CHRNB4: variants seen among roughly 807,000 people sequenced by gnomAD.
CHRNB4 encodes the protein cholinergic receptor nicotinic beta 4 subunit.
In CHRNB4, 23 loss-of-function variants were observed where a neutral mutation model predicts 40.4. The observed-to-expected ratio is 0.57, with a 90% confidence interval of 0.41 to 0.81. CHRNB4 has a LOEUF of 0.81. Among genes scored for constraint, CHRNB4 ranks in the 30% least tolerant of loss-of-function variants. The probability of loss-of-function intolerance (pLI) is 0.00; values close to 1 mark genes in which losing one functional copy is unlikely to be tolerated. For synonymous variants in CHRNB4, 285 were observed against 274.4 expected (o/e 1.04, Z -0.38); for missense variants, 568 against 670.6 (o/e 0.85, Z 1.69).
intron 5 of CHRNB4, among the ~76,000 whole-genome samples, chr15:78,652,890 G>A (rs1172370041): frequency 6.6e-6 from 1 of 152,170 alleles, no homozygotes; most frequent in East Asian, 1.9e-4. Context: ...GGGTGGTGGT[G>A]GAATGGGAGA....
intron 2 of CHRNB4, among the ~76,000 whole-genome samples, chr15:78,632,171 CTCTT>C (rs1274535496): frequency 0.043 from 193 of 4,438 alleles, 1 homozygote; most frequent in African/African-American, 0.048. Flanking sequence ...TCTTTTCTTT[CTCTT>C]TCTTTCTTTC....
At chr15:78,627,394 A>G (rs544999286) in intron 5 of CHRNB4, 1 of 152,220 alleles carries the variant, frequency 6.6e-6, no homozygotes, top group African/African-American at 2.4e-5. Flanking sequence ...CTGGTCCAAG[A>G]ACTACACCAG....
intron 2 of CHRNB4, among the ~76,000 whole-genome samples, chr15:78,658,028 CT>C (rs71448810): frequency 0.18 from 16,173 of 89,904 alleles, 690 homozygotes; most frequent in South Asian, 0.33. Context: ...TCTTGTTTCT[CT>C]TTTTTTTTTT....
intron 1 of CHRNB4, among the ~76,000 whole-genome samples, chr15:78,640,804 CCCA>C (rs1362272286): frequency 1.3e-5 from 2 of 152,244 alleles, no homozygotes. Flanking sequence ...CACTGCCCAG[CCCA>C]CAGACACTCG....
At chr15:78,634,670 G>C in intron 2 of CHRNB4, 1 of 455,356 alleles carries the variant, frequency 2.2e-6, no homozygotes, top group South Asian at 1.6e-5. Flanking sequence ...CCCCTGGCTG[G>C]ACACAGCGCC....
chr15:78,649,805 G>A (rs1859078831), intron 6 of CHRNB4, among the ~76,000 whole-genome samples: 1 of 151,644 alleles, frequency 6.6e-6, no homozygotes, highest in South Asian at 2.1e-4. Flanking sequence ...CTGGGGATGG[G>A]AAGAAAAATA....
At position 78,624,917 on chromosome 15, in the gene CHRNB4, C is replaced by T. The variant is rs774895654; in HGVS notation, c.*216G>A. 1.2e-5 allele frequency: 17 copies of T among 1,464,516 alleles called. 1 individual carries two copies. In the South Asian group the frequency reaches 2.0e-4, roughly 17 times the overall value. The allele number at this position is 1,464,516 out of a possible 1,614,324, so 90.7% of individuals were successfully genotyped here. Reference sequence around the variant, plus strand: ...GGCCAGAATTGAACTGTCTGAAGCTCCCTCCTACTGGGGCTTCCTGGGATC... The same window carrying T: ...GGCCAGAATTGAACTGTCTGAAGCTTCCTCCTACTGGGGCTTCCTGGGATC... On this transcript the variant is annotated 3_prime_UTR_variant, in exon 6 of 6. Transcript: ENST00000261751.
At chr15:78,639,177 G>C (rs1457193803) in intron 1 of CHRNB4, among the ~76,000 whole-genome samples, 2 of 152,222 alleles carry the variant, frequency 1.3e-5, no homozygotes, top group African/African-American at 4.8e-5. Context: ...GAAAGTAACA[G>C]TTAACAGAAT....
At chr15:78,642,987 C>CAT (rs1368361422), upstream of CHRNB4, among the ~76,000 whole-genome samples, 1 of 152,106 alleles carries the variant, frequency 6.6e-6, no homozygotes, top group African/African-American at 2.4e-5. Flanking sequence ...TTAACTTCCT[C>CAT]ATATATAAAG....
upstream of CHRNB4, among the ~76,000 whole-genome samples, chr15:78,641,455 C>T (rs936050939): frequency 2.6e-5 from 4 of 152,226 alleles, no homozygotes; most frequent in Admixed American, 1.3e-4. Flanking sequence ...GGAGACTGAG[C>T]CCTCGAGGGC....
At chr15:78,661,182 AGAACCAAAGAGCG>A, upstream of CHRNB4, 1 of 615,290 alleles carries the variant, frequency 1.6e-6, no homozygotes, top group Non-Finnish European at 3.2e-6. Flanking sequence ...GGCCCTTGAG[AGAACCAAAGAGCG>A]GAATGGTGCT....
chr15:78,636,394 T>C (rs921966414), intron 1 of CHRNB4, among the ~76,000 whole-genome samples: 3 of 151,996 alleles, frequency 2.0e-5, no homozygotes, highest in Non-Finnish European at 4.4e-5. Context: ...GGCCCTTCCC[T>C]ACCCACAACT....
At chr15:78,634,047 C>G (rs185828557) in intron 2 of CHRNB4, among the ~76,000 whole-genome samples, 383 of 152,278 alleles carry the variant, frequency 2.5e-3, no homozygotes, top group Non-Finnish European at 4.5e-3. Context: ...TACCTGCTCT[C>G]TAAAAATTTC....
chr15:78,628,453 C>G (rs2053710823), intron 5 of CHRNB4, among the ~76,000 whole-genome samples: 1 of 152,222 alleles, frequency 6.6e-6, no homozygotes, highest in African/African-American at 2.4e-5. Flanking sequence ...GGTGCTTGTT[C>G]TGGCAGGCTG....
At chr15:78,654,782 T>C (rs1248483214) in intron 5 of CHRNB4, among the ~76,000 whole-genome samples, 4 of 152,132 alleles carry the variant, frequency 2.6e-5, no homozygotes, top group Non-Finnish European at 5.9e-5. Flanking sequence ...AAATGAATTT[T>C]CACAAACTGA....
chr15:78,633,021 G>T (rs186814351), intron 2 of CHRNB4, among the ~76,000 whole-genome samples: 1 of 152,026 alleles, frequency 6.6e-6, no homozygotes, highest in Admixed American at 6.5e-5. Context: ...TTGCTCCTTC[G>T]CAGGGTCTAC....
chr15:78,656,871 C>T (rs1273512160), intron 3 of CHRNB4, among the ~76,000 whole-genome samples: 2 of 152,200 alleles, frequency 1.3e-5, no homozygotes, highest in Non-Finnish European at 2.9e-5. Context: ...TCTTATTCTA[C>T]ATTCTCTCCC....
At chr15:78,626,614 A>G (rs1021723554) in intron 5 of CHRNB4, 4 of 152,284 alleles carry the variant, frequency 2.6e-5, no homozygotes, top group Non-Finnish European at 5.9e-5. Flanking sequence ...TAAGGATGAC[A>G]GGCAGATCTG....
intron 5 of CHRNB4, 133 bp downstream of exon 5, chr15:78,628,834 T>C (rs2053721769): frequency 2.6e-6 from 3 of 1,153,772 alleles, no homozygotes; most frequent in South Asian, 3.3e-5. Context: ...CAAACTCATT[T>C]CAATTTTGGA....
Sources: allele counts gnomAD v4.1 joint callset (sites outside exome capture counted in the v4.1 genomes callset), GRCh38; gene constraint gnomAD v4.1.1; transcripts MANE v1.5; gene names NCBI Gene and HGNC (gene_info 2026-07-23, HGNC 2026-07-21).